Variants in AGTPBP1 observed in about 807,000 individuals in gnomAD.
AGTPBP1 encodes cytosolic carboxypeptidase 1.
In AGTPBP1, 70 loss-of-function variants were observed where a neutral mutation model predicts 143.9. The ratio of observed to expected loss-of-function variants is 0.49; its 90% CI spans 0.40 to 0.59. The LOEUF (loss-of-function observed/expected upper bound fraction) is 0.59. Among genes scored for constraint, AGTPBP1 ranks in the 20% least tolerant of loss-of-function variants. AGTPBP1 has a pLI of 0.00. For synonymous variants in AGTPBP1, 463 were observed against 500.2 expected, an observed-to-expected ratio of 0.93 and a Z score of 0.99; for missense variants, 1,229 against 1,464.5, an observed-to-expected ratio of 0.84 and a Z score of 2.62.
chr9:85,774,413 C>A, the AGTPBP1 span, among the ~76,000 whole-genome samples: 1 of 152,076 alleles, frequency 6.6e-6, no homozygotes, highest in Non-Finnish European at 1.5e-5. Flanking sequence ...TTTCCACTCA[C>A]AAAATTAAAG....
intron 17 of AGTPBP1, among the ~76,000 whole-genome samples, chr9:85,612,538 G>T (rs986938684): frequency 6.6e-6 from 1 of 152,110 alleles, no homozygotes; most frequent in Non-Finnish European, 1.5e-5. Context: ...ACTGTGAATC[G>T]TAATTCAGTG....
chr9:85,756,313 G>T, the AGTPBP1 span: 1 of 1,426,992 alleles, frequency 7.0e-7, no homozygotes, highest in Non-Finnish European at 9.2e-7. Context: ...CCACTAGGAT[G>T]GCTATAATCA....
chr9:85,769,690 CCTCA>C, the AGTPBP1 span, among the ~76,000 whole-genome samples: 1 of 152,014 alleles, frequency 6.6e-6, no homozygotes, highest in Non-Finnish European at 1.5e-5. Flanking sequence ...ATACTTAAAT[CCTCA>C]CTACTTTTTT....
intron 6 of AGTPBP1, among the ~76,000 whole-genome samples, chr9:85,676,203 T>C (rs1342473838): frequency 6.6e-6 from 1 of 152,026 alleles, no homozygotes; most frequent in Non-Finnish European, 1.5e-5. Context: ...ACAAATGAGA[T>C]GGTATCAAGC....
At chr9:85,646,148 C>A (rs1047753350) in intron 12 of AGTPBP1, among the ~76,000 whole-genome samples, 173 bp downstream of exon 12, 4 of 152,044 alleles carry the variant, frequency 2.6e-5, no homozygotes, top group African/African-American at 9.7e-5. Flanking sequence ...CCTTTTCAGA[C>A]CAGTGGATTT....
the AGTPBP1 span, among the ~76,000 whole-genome samples, chr9:85,761,197 C>T: frequency 1.3e-5 from 2 of 152,262 alleles, no homozygotes; most frequent in East Asian, 3.9e-4. Flanking sequence ...GGCCATACTG[C>T]CCAAGGTAAT....
chr9:85,799,572 A>G, the AGTPBP1 span, among the ~76,000 whole-genome samples: 1 of 152,198 alleles, frequency 6.6e-6, no homozygotes, highest in Non-Finnish European at 1.5e-5. Flanking sequence ...ACTGGAGTAC[A>G]GTGGTGCAAT....
chr9:85,601,181 C>T (rs1312721982), intron 17 of AGTPBP1, among the ~76,000 whole-genome samples: 1 of 152,200 alleles, frequency 6.6e-6, no homozygotes, highest in Non-Finnish European at 1.5e-5. Context: ...AGCTGCATAG[C>T]AATCCCTAGC....
intron 6 of AGTPBP1, 94 bp from the exon 7 acceptor site, chr9:85,672,775 T>TGC: frequency 9.7e-7 from 1 of 1,029,702 alleles, no homozygotes; most frequent in Non-Finnish European, 1.3e-6. Context: ...TGCTCTGTCA[T>TGC]CCAGGCTGGA....
At chr9:85,587,340 T>A (rs1828677797) in intron 21 of AGTPBP1, among the ~76,000 whole-genome samples, 2 of 152,196 alleles carry the variant, frequency 1.3e-5, no homozygotes, top group Admixed American at 1.3e-4. Flanking sequence ...GCATGCTATA[T>A]CTTGACTTCA....
At chr9:85,745,467 C>A (rs1160599100), upstream of AGTPBP1, among the ~76,000 whole-genome samples, 1 of 152,148 alleles carries the variant, frequency 6.6e-6, no homozygotes, top group African/African-American at 2.4e-5. Flanking sequence ...TGATAATGCT[C>A]AACAAAATAC....
Position 85,574,333 on chromosome 9 carries a change from C to T in AGTPBP1, c.3503+982G>A, listed in dbSNP as rs888594351. Among the ~76,000 whole-genome samples the T allele has an allele frequency of 5.3e-5, 8 of 152,088 alleles. No individual in the cohort carries two copies. The East Asian group carries it at 7.7e-4, about 15-fold the overall frequency. ...CAAGTACCCAGGGACACAAACACTG[C>T]GGAGGGCCGCAGGGTCCTCTGCCTA... On this transcript the variant is annotated intron_variant, in intron 25 of 25. Coordinates refer to ENST00000357081, the MANE Select transcript of AGTPBP1 (RefSeq NM_001330701.2).
intron 11 of AGTPBP1, 44 bp from the exon 12 acceptor site, chr9:85,646,462 C>G (rs1490258802): frequency 2.0e-5 from 27 of 1,321,366 alleles, no homozygotes; most frequent in Non-Finnish European, 2.9e-5. Context: ...GGTAAGCATT[C>G]TACAATATGC....
chr9:85,705,314 A>G (rs1161616440), intron 2 of AGTPBP1, among the ~76,000 whole-genome samples: 1 of 152,046 alleles, frequency 6.6e-6, no homozygotes, highest in East Asian at 1.9e-4. Context: ...CAGCCAAATA[A>G]CAAAAGACAG....
At chr9:85,779,234 T>TAGATATAGATAC in the AGTPBP1 span, among the ~76,000 whole-genome samples, 3 of 130,484 alleles carry the variant, frequency 2.3e-5, no homozygotes, top group Non-Finnish European at 5.0e-5. Context: ...GATATAGATA[T>TAGATATAGATAC]AGATATAGAT....
At chr9:85,583,850 A>C (rs1345910249) in intron 23 of AGTPBP1, among the ~76,000 whole-genome samples, 1 of 152,146 alleles carries the variant, frequency 6.6e-6, no homozygotes, top group African/African-American at 2.4e-5. Flanking sequence ...CTTACTACCT[A>C]TTATAAAGAG....
chr9:85,636,504 C>T (rs897573676), intron 13 of AGTPBP1, among the ~76,000 whole-genome samples: 2 of 152,026 alleles, frequency 1.3e-5, no homozygotes, highest in African/African-American at 4.8e-5. Context: ...GTGATCCCCC[C>T]TCTTGGCCTC....
At chr9:85,701,497 TG>T (rs1836658170) in intron 2 of AGTPBP1, among the ~76,000 whole-genome samples, 1 of 152,198 alleles carries the variant, frequency 6.6e-6, no homozygotes. Flanking sequence ...CCCAAAGTGC[TG>T]GGATTACAGG....
intron 17 of AGTPBP1, among the ~76,000 whole-genome samples, chr9:85,598,654 A>G (rs1395250137): frequency 6.6e-6 from 1 of 152,238 alleles, no homozygotes; most frequent in Admixed American, 6.5e-5. Context: ...TTGTAAATAC[A>G]AAATATCTGT....
Sources: gnomAD v4.1 joint callset for allele counts (sites outside exome capture counted in the v4.1 genomes callset) on GRCh38, gnomAD v4.1.1 for gene constraint, MANE v1.5 for transcripts, NCBI Gene and HGNC (gene_info 2026-07-23, HGNC 2026-07-21) for gene names.